DDB2: variants seen among roughly 807,000 people sequenced by gnomAD.
DDB2 encodes damage specific DNA binding protein 2, also known as DNA damage-binding protein 2.
Under a neutral mutation model 50.5 loss-of-function variants are expected in DDB2, and 27 were observed. The ratio of observed to expected loss-of-function variants is 0.53; its 90% CI spans 0.39 to 0.74. The LOEUF (loss-of-function observed/expected upper bound fraction) is 0.74. Ranked by LOEUF, DDB2 falls within the 30% of genes least tolerant of loss-of-function variation. The probability of loss-of-function intolerance (pLI) is 0.00; values close to 1 mark genes in which losing one functional copy is unlikely to be tolerated. For synonymous variants in DDB2, 176 were observed against 205.5 expected (o/e 0.86, Z 1.23); for missense variants, 424 against 545.6 (o/e 0.78, Z 2.22).
At chr11:47,216,834 C>G in intron 2 of DDB2, 24 bp from the exon 3 acceptor site, 1 of 1,612,520 alleles carries the variant, frequency 6.2e-7, no homozygotes, top group Non-Finnish European at 8.5e-7. Context: ...TTAATTCAAC[C>G]TAATTCATTT....
At chr11:47,234,520 A>T in intron 4 of DDB2, 53 bp from the exon 5 acceptor site, 1 of 1,474,014 alleles carries the variant, frequency 6.8e-7, no homozygotes. Context: ...AACAGTGAGT[A>T]AATAGGACTA....
intron 3 of DDB2, among the ~76,000 whole-genome samples, chr11:47,219,936 C>T (rs950547884): frequency 2.6e-5 from 4 of 152,078 alleles, no homozygotes; most frequent in African/African-American, 9.7e-5. Context: ...TACTGGTGCC[C>T]GCCACCACAC....
At chr11:47,217,673 C>T (rs1408783534) in intron 3 of DDB2, among the ~76,000 whole-genome samples, 1 of 152,010 alleles carries the variant, frequency 6.6e-6, no homozygotes, top group Non-Finnish European at 1.5e-5. Flanking sequence ...GGGCTGACCA[C>T]GAGGTCAAGA....
Position 47,237,843 on chromosome 11 carries a change from TG to T in DDB2, c.1032del (p.Trp344CysfsTer26). ...CGGCCTCTCCATCTCCTAGGCAGCC[TG>T]GCATCCTCGCTACAACCTCATTGTT... ...FQHLTPIKAA[W>X]HPRYNLIVVG... On this transcript the variant is annotated frameshift_variant, in exon 8 of 10. Coordinates refer to ENST00000256996, the MANE Select transcript of DDB2 (RefSeq NM_000107.3). LOFTEE classifies it high-confidence loss of function. 1 of 1,614,124 alleles carries T rather than the reference TG, an allele frequency of 6.2e-7. No homozygotes were observed. The highest frequency in any genetic ancestry group is 8.5e-7 in the Non-Finnish European group (1 of 1,180,000).
intron 3 of DDB2, among the ~76,000 whole-genome samples, chr11:47,226,844 T>C (rs1351700606): frequency 6.6e-6 from 1 of 151,186 alleles, no homozygotes; most frequent in East Asian, 2.0e-4. Context: ...TGGGCTCCAG[T>C]GATCCTGCTG....
chr11:47,237,810 C>G (rs200963195), intron 7 of DDB2, 27 bp from the exon 8 acceptor site: 5 of 1,613,368 alleles, frequency 3.1e-6, no homozygotes, highest in Non-Finnish European at 4.2e-6. Context: ...TGTGTTTACC[C>G]TCATGGCCGG....
At chr11:47,235,586 C>T in intron 7 of DDB2, 174 bp downstream of exon 7, 1 of 672,582 alleles carries the variant, frequency 1.5e-6, no homozygotes, top group Non-Finnish European at 2.6e-6. Context: ...TATCCCACTT[C>T]TGCCATCCCA....
chr11:47,230,353 G>C (rs1252842073), intron 3 of DDB2, among the ~76,000 whole-genome samples: 1 of 152,122 alleles, frequency 6.6e-6, no homozygotes, highest in Non-Finnish European at 1.5e-5. Flanking sequence ...ACTGTGCCCA[G>C]CCAATAGCTA....
chr11:47,229,371 T>C (rs1953610337), intron 3 of DDB2, among the ~76,000 whole-genome samples: 1 of 151,936 alleles, frequency 6.6e-6, no homozygotes, highest in African/African-American at 2.4e-5. Context: ...GGCTTTTGCA[T>C]GGAGAGGGGC....
At chr11:47,234,120 C>G (rs1953689340) in intron 4 of DDB2, among the ~76,000 whole-genome samples, 1 of 152,058 alleles carries the variant, frequency 6.6e-6, no homozygotes, top group South Asian at 2.1e-4. Flanking sequence ...CCCCAGTGTT[C>G]AGAAGGGGGC....
chr11:47,235,182 G>A, intron 6 of DDB2, 88 bp from the exon 7 acceptor site: 1 of 1,559,500 alleles, frequency 6.4e-7, no homozygotes, highest in Non-Finnish European at 8.8e-7. Flanking sequence ...GAGTGGGAGG[G>A]AGAGTACCCC....
Position 47,228,437 on chromosome 11 carries a change from T to C in DDB2, c.457-4377T>C, listed in dbSNP as rs150875144. 1.8e-4 allele frequency among the ~76,000 whole-genome samples: 28 copies of C among 152,018 alleles called. 2 individuals carry two copies. Among genetic ancestry groups the C allele is most frequent in the African/African-American group, 6.3e-4 (26 of 41,474 alleles). On this transcript the variant is annotated intron_variant, in intron 3 of 9. Coordinates refer to ENST00000256996, the MANE Select transcript of DDB2 (RefSeq NM_000107.3). ...GGGCAGATCACCTGAGGTCAGGAGT[T>C]CAAGACCAGCCTGGCCAACATGGCA...
chr11:47,217,903 T>C (rs1040478605), intron 3 of DDB2, among the ~76,000 whole-genome samples: 4 of 151,848 alleles, frequency 2.6e-5, no homozygotes, highest in Non-Finnish European at 4.4e-5. Context: ...AAAAAAAGAA[T>C]TGAAGCCCCT....
In DDB2 at chr11:47,238,894, C is replaced by A; in HGVS notation, c.*45C>A. On this transcript the variant is annotated 3_prime_UTR_variant, in exon 10 of 10. Coordinates refer to ENST00000256996, the MANE Select transcript of DDB2 (RefSeq NM_000107.3). ...GGGCCAGACAAGGCCTTGGAGCCCA[C>A]ACATGGGATCAAGTCCTGCAAGCAG... 6.3e-7 allele frequency: 1 copy of A among 1,598,130 alleles called. No individual in the cohort carries two copies.
rs1444032527 is a variant in DDB2, at chr11:47,238,897, A to G, written c.*48A>G. The G allele has an allele frequency of 6.3e-6, 10 of 1,597,704 alleles. No individual in the cohort carries two copies. The highest frequency in any genetic ancestry group is 7.7e-6 in the Non-Finnish European group (9 of 1,167,446). On this transcript the variant is annotated 3_prime_UTR_variant, in exon 10 of 10. Coordinates refer to ENST00000256996, the MANE Select transcript of DDB2 (RefSeq NM_000107.3). ...CCAGACAAGGCCTTGGAGCCCACAC[A>G]TGGGATCAAGTCCTGCAAGCAGAGG...
rs1953798404 is a variant in DDB2 at position 47,239,154 on chromosome 11, G to A, written c.*305G>A. 1 of 436,122 alleles carries A rather than the reference G, an allele frequency of 2.3e-6. No individual in the cohort carries two copies. Among genetic ancestry groups the A allele is most frequent in the Non-Finnish European group, 4.3e-6 (1 of 234,142 alleles). The allele number at this position is 436,122 out of a possible 1,614,324, so 27.0% of individuals were successfully genotyped here. The stretch of plus-strand genomic sequence containing the variant: ...TCTCCTCTCAGTGGGTGGTAGCAGA[G>A]GGATCAAGCAGTTATTTGATTTGTG... On this transcript the variant is annotated 3_prime_UTR_variant, in exon 10 of 10. Coordinates refer to ENST00000256996, the MANE Select transcript of DDB2 (RefSeq NM_000107.3).
At chr11:47,218,911 T>C (rs559738200) in intron 3 of DDB2, among the ~76,000 whole-genome samples, 20 of 152,268 alleles carry the variant, frequency 1.3e-4, no homozygotes, top group Admixed American at 4.6e-4. Context: ...AATTGTAAAA[T>C]ACACGTAACA....
chr11:47,233,219 C>T, intron 4 of DDB2: 1 of 519,516 alleles, frequency 1.9e-6, no homozygotes, highest in Non-Finnish European at 3.5e-6. Flanking sequence ...GACCTTGACC[C>T]TCACTAGATA....
At chr11:47,235,089 C>A in intron 6 of DDB2, 155 bp downstream of exon 6, 1 of 1,252,020 alleles carries the variant, frequency 8.0e-7, no homozygotes, top group Non-Finnish European at 1.2e-6. Context: ...TGGCTGTCCC[C>A]ATCAGCTGCT....
Sources: allele counts gnomAD v4.1 joint callset (sites outside exome capture counted in the v4.1 genomes callset), GRCh38; gene constraint gnomAD v4.1.1; transcripts MANE v1.5; gene names NCBI Gene and HGNC (gene_info 2026-07-23, HGNC 2026-07-21).